The following CNBD1 variants were observed in gnomAD, a reference collection of about 807,000 sequenced individuals.
CNBD1 encodes cyclic nucleotide-binding domain-containing protein 1.
A neutral mutation model predicts 54.4 loss-of-function variants in CNBD1; 71 were observed. The observed-to-expected ratio is 1.30, with a 90% confidence interval of 1.08 to 1.59. CNBD1 has a LOEUF of 1.59. CNBD1 is among the 40% of genes most tolerant of loss of function. The probability of loss-of-function intolerance (pLI) is 0.00; values close to 1 mark genes in which losing one functional copy is unlikely to be tolerated. For missense variants in CNBD1, 659 were observed against 518.0 expected (o/e 1.27, Z -2.64); for synonymous variants, 182 against 170.7 (o/e 1.07, Z -0.51).
intron 8 of CNBD1, among the ~76,000 whole-genome samples, chr8:87,349,536 C>G (rs1008307399): frequency 2.0e-5 from 3 of 152,094 alleles, no homozygotes; most frequent in Admixed American, 2.0e-4. Flanking sequence ...CCACCAGGCC[C>G]AACTAGTTTT....
intron 4 of CNBD1, among the ~76,000 whole-genome samples, chr8:87,076,849 G>A (rs1810884038): frequency 6.6e-6 from 1 of 152,078 alleles, no homozygotes; most frequent in Admixed American, 6.5e-5. Context: ...GAAATTCAAA[G>A]GACAAGCATT....
In CNBD1 at chr8:87,347,648, G is replaced by T. The variant is rs376807415; in HGVS notation, c.1043-4037G>T. ...TGTGAGATTTGGGCAAAGATTTAAA[G>T]TTGGTAAGAAAGATGAGGTAAATGT... On this transcript the variant is annotated intron_variant, in intron 8 of 10. Coordinates refer to ENST00000518476, the MANE Select transcript of CNBD1 (RefSeq NM_173538.3). Among the ~76,000 whole-genome samples the T allele has an allele frequency of 2.7e-4, 41 of 152,288 alleles. No homozygotes were observed. In the South Asian group the frequency reaches 7.9e-3, roughly 29 times the overall value.
chr8:86,885,320 T>C (rs749211072), intron 1 of CNBD1, among the ~76,000 whole-genome samples: 15 of 152,196 alleles, frequency 9.9e-5, no homozygotes, highest in Non-Finnish European at 1.9e-4. Context: ...ACAGTGGGCC[T>C]TATATCAATA....
At chr8:87,241,211 T>C (rs574148194) in intron 6 of CNBD1, among the ~76,000 whole-genome samples, 2 of 152,080 alleles carry the variant, frequency 1.3e-5, no homozygotes, top group African/African-American at 2.4e-5. Flanking sequence ...GTTGAAATTA[T>C]GGACTTTGAA....
chr8:87,423,070 C>G (rs1472617679), intron 2 of CNBD1, among the ~76,000 whole-genome samples: 1 of 151,852 alleles, frequency 6.6e-6, no homozygotes, highest in Admixed American at 6.6e-5. Context: ...ATTTGGCTCT[C>G]TGTTTGTCTG....
rs185325467 is a variant in CNBD1, at chr8:87,141,708, G to A, written c.432-64285G>A. Among the ~76,000 whole-genome samples, 447 of 151,998 alleles carry A rather than the reference G, an allele frequency of 2.9e-3. 4 individuals carry two copies. Among genetic ancestry groups the A allele is most frequent in the African/African-American group, 0.01 (420 of 41,478 alleles). On this transcript the variant is annotated intron_variant, in intron 4 of 10. Coordinates refer to ENST00000518476, the MANE Select transcript of CNBD1 (RefSeq NM_173538.3). ...ATTAAGCAAATGAAGAGCAGCAGAC[G>A]TATTATTAACATGACATATAAAATG...
intron 6 of CNBD1, among the ~76,000 whole-genome samples, chr8:87,269,807 T>G (rs760154177): frequency 7.2e-5 from 11 of 152,036 alleles, no homozygotes; most frequent in Non-Finnish European, 1.3e-4. Flanking sequence ...CTGGACCAGA[T>G]GGATTCATAA....
At chr8:87,262,531 A>G (rs1029118662) in intron 6 of CNBD1, among the ~76,000 whole-genome samples, 7 of 152,180 alleles carry the variant, frequency 4.6e-5, no homozygotes, top group Admixed American at 4.6e-4. Flanking sequence ...TCTGAATAAA[A>G]CAAAAAGGCA....
Position 87,276,265 on chromosome 8 carries a change from A to T in CNBD1, c.772-8413A>T, listed in dbSNP as rs552801362. Among the ~76,000 whole-genome samples the T allele has an allele frequency of 3.3e-5, 5 of 151,964 alleles. No homozygotes were observed. In the South Asian group the frequency reaches 1.0e-3, roughly 31 times the overall value. ...TTACCAATGCCTTCCTTTTATTAAG[A>T]TGCTGTCATCTTGATCCTTCTTTCA... On this transcript the variant is annotated intron_variant, in intron 6 of 10. Coordinates refer to ENST00000518476, the MANE Select transcript of CNBD1 (RefSeq NM_173538.3).
intron 8 of CNBD1, among the ~76,000 whole-genome samples, chr8:87,296,267 C>T (rs2130878152): frequency 6.6e-6 from 1 of 152,240 alleles, no homozygotes; most frequent in East Asian, 1.9e-4. Flanking sequence ...TGACAGTTTT[C>T]ATGAACTTTG....
chr8:87,240,180 A>G (rs1351165732), intron 6 of CNBD1, among the ~76,000 whole-genome samples: 1 of 152,016 alleles, frequency 6.6e-6, no homozygotes, highest in Non-Finnish European at 1.5e-5. Flanking sequence ...GCAGTTAAAC[A>G]TATTTTACTA....
chr8:87,031,247 A>G (rs73273689), intron 4 of CNBD1, among the ~76,000 whole-genome samples: 4,562 of 151,918 alleles, frequency 0.03, 232 homozygotes, highest in African/African-American at 0.1. Context: ...TGTGTCTTAA[A>G]CACAAGTAAC....
chr8:86,873,770 G>A (rs1004003754), intron 1 of CNBD1, among the ~76,000 whole-genome samples: 1 of 151,964 alleles, frequency 6.6e-6, no homozygotes, highest in Non-Finnish European at 1.5e-5. Context: ...TGTAAAGTCA[G>A]TATGTGAGAA....
chr8:86,911,987 A>C (rs1809107376), intron 3 of CNBD1, among the ~76,000 whole-genome samples: 1 of 152,148 alleles, frequency 6.6e-6, no homozygotes. Context: ...AAAAGTAAGA[A>C]GATATTCCAT....
chr8:87,128,645 C>T (rs1438291310), intron 4 of CNBD1, among the ~76,000 whole-genome samples: 1 of 151,982 alleles, frequency 6.6e-6, no homozygotes, highest in Non-Finnish European at 1.5e-5. Context: ...AGTCTCTATT[C>T]TTTAGTTTGT....
intron 10 of CNBD1, among the ~76,000 whole-genome samples, chr8:87,364,625 T>C (rs530624805): frequency 1.3e-5 from 2 of 151,970 alleles, no homozygotes; most frequent in Non-Finnish European, 2.9e-5. Context: ...TTATTTTTCT[T>C]GATCCTCTCT....
At chr8:87,305,068 C>G (rs918444754) in intron 8 of CNBD1, among the ~76,000 whole-genome samples, 5 of 152,070 alleles carry the variant, frequency 3.3e-5, no homozygotes, top group Non-Finnish European at 7.4e-5. Flanking sequence ...TTTCTGGGTA[C>G]AAGATTAATG....
chr8:86,971,146 A>T (rs1044928087), intron 4 of CNBD1, among the ~76,000 whole-genome samples: 2 of 152,348 alleles, frequency 1.3e-5, no homozygotes, highest in South Asian at 4.1e-4. Context: ...TTATAAAGAA[A>T]ATAGGTTTAA....
intron 2 of CNBD1, among the ~76,000 whole-genome samples, chr8:86,899,890 T>C (rs554330178): frequency 4.0e-4 from 61 of 152,266 alleles, no homozygotes; most frequent in Admixed American, 7.9e-4. Flanking sequence ...CTCCCCTCCT[T>C]GTTCCTTGGT....
Sources: allele counts gnomAD v4.1 joint callset (sites outside exome capture counted in the v4.1 genomes callset), GRCh38; gene constraint gnomAD v4.1.1; transcripts MANE v1.5; gene names NCBI Gene and HGNC (gene_info 2026-07-23, HGNC 2026-07-21).